Variants in AFM observed in about 807,000 individuals in gnomAD.
AFM encodes the protein alpha-Alb.
Under a neutral mutation model 68.7 loss-of-function variants are expected in AFM, and 82 were observed. That is an observed-to-expected ratio of 1.19 (90% confidence interval 1.00 to 1.43). The LOEUF (loss-of-function observed/expected upper bound fraction) is 1.43, where lower values mean the gene tolerates loss of function less well. Among genes scored for constraint, AFM ranks in the 40% most tolerant of loss-of-function variants. The pLI is 0.00. For missense variants in AFM, 772 were observed against 701.8 expected (o/e 1.10, Z -1.13); for synonymous variants, 250 against 234.2 (o/e 1.07, Z -0.61).
intron 14 of AFM, among the ~76,000 whole-genome samples, 175 bp from the exon 15 acceptor site, chr4:73,503,701 G>T (rs1404917720): frequency 1.3e-5 from 2 of 152,132 alleles, no homozygotes; most frequent in Admixed American, 1.3e-4. Flanking sequence ...AGATATAGGA[G>T]TTATATACAG....
At position 73,499,261 on chromosome 4, in the gene AFM, T is replaced by C. The variant is rs201660565; in HGVS notation, c.1422+15T>C. 1.0e-3 allele frequency: 1,553 copies of C among 1,544,292 alleles called. 4 individuals are homozygous for C. The highest frequency in any genetic ancestry group is 1.2e-3 in the Middle Eastern group (7 of 5,714). On this transcript the variant is annotated intron_variant, in intron 11 of 14. Coordinates refer to ENST00000226355, the MANE Select transcript of AFM (RefSeq NM_001133.2). Reference sequence around the variant, plus strand: ...TTGATAATTTGGTGAGCATGGCCTGTGTACCAGACTACTCTTTTTTTTTTT... The same window carrying C: ...TTGATAATTTGGTGAGCATGGCCTGCGTACCAGACTACTCTTTTTTTTTTT...
chr4:73,501,685 C>A, intron 12 of AFM, 102 bp from the exon 13 acceptor site: 1 of 1,327,854 alleles, frequency 7.5e-7, no homozygotes. Context: ...TACCCACACC[C>A]AAGCTGAGAC....
At chr4:73,502,244 G>C (rs1380711627) in intron 13 of AFM, among the ~76,000 whole-genome samples, 1 of 152,006 alleles carries the variant, frequency 6.6e-6, no homozygotes, top group Non-Finnish European at 1.5e-5. Context: ...CTTATTTTTT[G>C]GTTTTGAACC....
intron 8 of AFM, among the ~76,000 whole-genome samples, chr4:73,494,358 G>A (rs932523186): frequency 4.6e-5 from 7 of 151,938 alleles, no homozygotes; most frequent in African/African-American, 1.7e-4. Flanking sequence ...CACAAAACGT[G>A]GAAGATCTGA....
chr4:73,486,871 C>T, intron 4 of AFM, 96 bp from the exon 5 acceptor site: 1 of 1,115,394 alleles, frequency 9.0e-7, no homozygotes, highest in Non-Finnish European at 1.3e-6. Flanking sequence ...TCCCATCTTA[C>T]CCTCCCTTCC....
At chr4:73,499,871 T>C in intron 11 of AFM, 133 bp from the exon 12 acceptor site, 1 of 723,358 alleles carries the variant, frequency 1.4e-6, no homozygotes, top group East Asian at 2.7e-5. Context: ...TAGGGATATG[T>C]CATGAGTGCA....
chr4:73,495,177 C>A, intron 8 of AFM, 123 bp from the exon 9 acceptor site: 1 of 884,624 alleles, frequency 1.1e-6, no homozygotes, highest in Non-Finnish European at 1.6e-6. Context: ...GTGACCAAGA[C>A]AGAGGAGAAA....
intron 7 of AFM, among the ~76,000 whole-genome samples, chr4:73,490,200 AAAAG>A (rs1313184272): frequency 1.8e-4 from 28 of 151,858 alleles, no homozygotes; most frequent in Non-Finnish European, 3.1e-4. Flanking sequence ...AAAAAAAAAA[AAAAG>A]AAAGAAAGAA....
At chr4:73,490,458 G>A (rs35858007) in intron 7 of AFM, among the ~76,000 whole-genome samples, 26,859 of 151,916 alleles carry the variant, frequency 0.18, 2,988 homozygotes, top group Admixed American at 0.31. Context: ...TGGCTCTGTC[G>A]CCCAGGCTGG....
intron 9 of AFM, 134 bp downstream of exon 9, chr4:73,495,566 G>T: frequency 8.8e-7 from 1 of 1,136,890 alleles, no homozygotes; most frequent in South Asian, 1.6e-5. Flanking sequence ...TGTAGATTCA[G>T]CCTAAGAAGA....
At chr4:73,493,870 C>T (rs1222911075) in intron 8 of AFM, among the ~76,000 whole-genome samples, 1 of 152,178 alleles carries the variant, frequency 6.6e-6, no homozygotes, top group Non-Finnish European at 1.5e-5. Context: ...GTCACTATTA[C>T]AACATAAAAA....
At position 73,482,512 on chromosome 4, in the gene AFM, G is replaced by A. The variant is rs78395353; in HGVS notation, c.88+649G>A. The stretch of plus-strand genomic sequence containing the variant: ...GGCAGTGGCCCTGAAGGCATGGATC[G>A]TGTCTTACGTGTCTTACTCAATTTG... On this transcript the variant is annotated intron_variant, in intron 1 of 14. Transcript: ENST00000226355. 4.1e-3 allele frequency among the ~76,000 whole-genome samples: 623 copies of A among 152,290 alleles called. 5 individuals carry two copies. The highest frequency in any genetic ancestry group is 0.014 in the African/African-American group (578 of 41,558).
At chr4:73,485,072 A>G (rs1720853530) in intron 3 of AFM, among the ~76,000 whole-genome samples, 1 of 152,218 alleles carries the variant, frequency 6.6e-6, no homozygotes, top group African/African-American at 2.4e-5. Flanking sequence ...TTCAGGCAGA[A>G]GAGGAAGCCA....
chr4:73,502,311 C>T (rs1166027322), intron 13 of AFM, among the ~76,000 whole-genome samples: 3 of 152,174 alleles, frequency 2.0e-5, no homozygotes, highest in African/African-American at 7.2e-5. Flanking sequence ...TCATAAACAG[C>T]TCCAAATGGA....
intron 7 of AFM, among the ~76,000 whole-genome samples, chr4:73,490,578 C>T (rs766962866): frequency 6.6e-6 from 1 of 152,112 alleles, no homozygotes; most frequent in Non-Finnish European, 1.5e-5. Context: ...TGCCACCACA[C>T]CCCGCTAATG....
At chr4:73,491,789 G>T in intron 7 of AFM, 83 bp from the exon 8 acceptor site, 1 of 1,100,300 alleles carries the variant, frequency 9.1e-7, no homozygotes, top group Non-Finnish European at 1.4e-6. Flanking sequence ...CTGCGATCAT[G>T]ACTGGTTTTG....
chr4:73,503,593 C>T (rs567675708), intron 14 of AFM, among the ~76,000 whole-genome samples: 4 of 152,158 alleles, frequency 2.6e-5, no homozygotes, highest in South Asian at 2.1e-4. Context: ...GAACAAAAAG[C>T]GATATGTTTG....
rs1232394765 is a variant in AFM, at chr4:73,482,647, T to C, written c.88+784T>C. Among the ~76,000 whole-genome samples, 3 of 152,218 alleles carry C rather than the reference T, an allele frequency of 2.0e-5. No individual in the cohort carries two copies. The East Asian group carries it at 5.8e-4, about 29-fold the overall frequency. ...ATCTTGATTTTTTGCCTCTTTAATA[T>C]CTTTTGTATCTATATTTTCCTTTTC... On this transcript the variant is annotated intron_variant, in intron 1 of 14. Transcript: ENST00000226355.
intron 13 of AFM, 103 bp from the exon 14 acceptor site, chr4:73,502,947 G>A: frequency 1.8e-6 from 2 of 1,090,182 alleles, no homozygotes; most frequent in Non-Finnish European, 2.8e-6. Context: ...ACGTGGGAAT[G>A]ATTTAATTTT....
Sources: gnomAD v4.1 joint callset for allele counts (sites outside exome capture counted in the v4.1 genomes callset) on GRCh38, gnomAD v4.1.1 for gene constraint, MANE v1.5 for transcripts, NCBI Gene and HGNC (gene_info 2026-07-23, HGNC 2026-07-21) for gene names.